ECHDC2: variants seen among roughly 807,000 people sequenced by gnomAD.
ECHDC2 encodes the protein enoyl-CoA hydratase domain containing 2, also known as enoyl-CoA hydratase domain-containing protein 2, mitochondrial.
A neutral mutation model predicts 40.6 loss-of-function variants in ECHDC2; 34 were observed. That is an observed-to-expected ratio of 0.84 (90% confidence interval 0.64 to 1.11). ECHDC2 has a LOEUF of 1.11. ECHDC2 is among the 50% of genes most tolerant of loss of function. The pLI is 0.00. For missense variants in ECHDC2, 392 were observed against 400.7 expected, an observed-to-expected ratio of 0.98 and a Z score of 0.19; for synonymous variants, 162 against 166.6, an observed-to-expected ratio of 0.97 and a Z score of 0.21.
Position 52,911,779 on chromosome 1 carries a change from T to A in ECHDC2, c.133A>T (p.Ile45Phe). The A allele has an allele frequency of 6.2e-7, 1 of 1,613,528 alleles. No homozygotes were observed. Among genetic ancestry groups the A allele is most frequent in the Non-Finnish European group, 8.5e-7 (1 of 1,179,694 alleles). Residue 45 changes from isoleucine to phenylalanine, a missense_variant, in exon 2 of 10, where the codon ATT becomes TTT. Coordinates refer to ENST00000371522, the MANE Select transcript of ECHDC2 (RefSeq NM_001198961.2). Reference sequence around the variant, plus strand: ...CGGGCAGAAGGTCTGTTCATCAGAATCTCAGTGATCCCTGTAAGGAGTCAG... The same window carrying A: ...CGGGCAGAAGGTCTGTTCATCAGAAACTCAGTGATCCCTGTAAGGAGTCAG... ...LAGPDQGITEILMNRPSARNA... is the reference protein window; with the variant it reads ...LAGPDQGITEFLMNRPSARNA...
At position 52,914,607 on chromosome 1, in the gene ECHDC2, C is replaced by T. The variant is rs1650272725; in HGVS notation, c.122-2817G>A. Among the ~76,000 whole-genome samples the T allele has an allele frequency of 6.6e-6, 1 of 152,116 alleles. No homozygotes were observed. Among genetic ancestry groups the T allele is most frequent in the South Asian group, 2.1e-4 (1 of 4,830 alleles). ...TGTGTGCCCAGGAGCCCAGAGCTCTCCTGTGCACCCCAGGCCTGAATAGCC... is the reference window on the plus strand; with the variant it reads ...TGTGTGCCCAGGAGCCCAGAGCTCTTCTGTGCACCCCAGGCCTGAATAGCC... On this transcript the variant is annotated intron_variant, in intron 1 of 9. Coordinates refer to ENST00000371522, the MANE Select transcript of ECHDC2 (RefSeq NM_001198961.2). This position sits in a 1 kb window ranked among gnomAD's most constrained non-coding sequence, Gnocchi z 4.0.
chr1:52,904,653 AG>A lies in ECHDC2; in HGVS notation c.694del (p.Leu232CysfsTer13), dbSNP rs748334828. ...GCCGAGCTGTCACCACACCTGGGGC[AG>A]GATCTCCTGGGCCAGTGCTCGTGCC... ...QRARALAQEI[L>X]PQAPIAVRLG... On this transcript the variant is annotated frameshift_variant, in exon 7 of 10. Coordinates refer to ENST00000371522, the MANE Select transcript of ECHDC2 (RefSeq NM_001198961.2). LOFTEE classifies it high-confidence loss of function. The A allele has an allele frequency of 3.9e-5, 62 of 1,590,774 alleles. 1 individual carries two copies. In the East Asian group the frequency reaches 1.3e-3, roughly 33 times the overall value.
At chr1:52,905,177 A>G in intron 5 of ECHDC2, 87 bp from the exon 6 acceptor site, 1 of 1,449,660 alleles carries the variant, frequency 6.9e-7, no homozygotes, top group Non-Finnish European at 9.5e-7. Context: ...TCTGCTGTCT[A>G]CTCGCCCCTC....
At chr1:52,911,396 C>A (rs1649451341) in intron 3 of ECHDC2, among the ~76,000 whole-genome samples, 170 bp downstream of exon 3, 1 of 152,206 alleles carries the variant, frequency 6.6e-6, no homozygotes, top group Non-Finnish European at 1.5e-5. Context: ...CTACCCCTTA[C>A]TAGCTATGTG....
intron 9 of ECHDC2, chr1:52,897,082 C>T: frequency 2.6e-6 from 1 of 388,394 alleles, no homozygotes; most frequent in Non-Finnish European, 4.8e-6. Flanking sequence ...ACATTGAACA[C>T]AGCCTGCAGG....
At chr1:52,916,731 T>C (rs549623444) in intron 1 of ECHDC2, among the ~76,000 whole-genome samples, 19 of 152,248 alleles carry the variant, frequency 1.2e-4, no homozygotes, top group African/African-American at 4.6e-4. Context: ...TGGACAGTAA[T>C]CAGCCAAGGT....
chr1:52,905,920 G>C (rs1380534679), intron 5 of ECHDC2: 2 of 213,828 alleles, frequency 9.4e-6, no homozygotes, highest in Non-Finnish European at 1.9e-5. Flanking sequence ...GTTGCTCCTG[G>C]GGTGGCAGGA....
rs1001384514 is a variant in ECHDC2, at chr1:52,911,993, C to T, written c.122-203G>A. The T allele has an allele frequency of 2.1e-6, 3 of 1,427,146 alleles. No homozygotes were observed. In the African/African-American group the frequency reaches 4.3e-5, roughly 21 times the overall value. 88.4% of individuals were successfully genotyped at this position (1,427,146 alleles called of 1,614,324 possible). ...AGAGAAAAACCCTTGCTCTTTCTGCCTCAGAGAGAAAGTGGAAGGACTTGT... is the reference window on the plus strand; with the variant it reads ...AGAGAAAAACCCTTGCTCTTTCTGCTTCAGAGAGAAAGTGGAAGGACTTGT... On this transcript the variant is annotated intron_variant, in intron 1 of 9. Coordinates refer to ENST00000371522, the MANE Select transcript of ECHDC2 (RefSeq NM_001198961.2).
Position 52,907,907 on chromosome 1 carries a change from C to A in ECHDC2, c.325G>T (p.Val109Leu). The change falls in exon 4 of 10, where the codon GTG becomes TTG. Residue 109 changes from valine to leucine, a missense_variant. By Grantham distance (32) the Val-to-Leu change is conservative (BLOSUM62 1). Coordinates refer to ENST00000371522, the MANE Select transcript of ECHDC2 (RefSeq NM_001198961.2). ...AGGCCCCGGAGTCGCTGGACAAACA[C>A]CCCCACCTCTGCTTCACTCATCTGT... ...REQMSEAEVG[V>L]FVQRLRGLMN... The A allele has an allele frequency of 1.9e-6, 3 of 1,613,890 alleles. No individual in the cohort carries two copies. Among genetic ancestry groups the A allele is most frequent in the Non-Finnish European group, 1.7e-6 (2 of 1,179,944 alleles).
rs1649094598 is a variant in ECHDC2, at chr1:52,910,352, G to GCTTTTTTTTTTTTTTT, written c.277+1213_277+1214insAAAAAAAAAAAAAAAG. Among the ~76,000 whole-genome samples, 4 of 32,062 alleles carry GCTTTTTTTTTTTTTTT rather than the reference G, an allele frequency of 1.2e-4. 1 individual carries two copies. The highest frequency in any genetic ancestry group is 4.3e-4 in the African/African-American group (4 of 9,206). The allele number at this position is 32,062 out of a possible 152,430, so 21.0% of individuals were successfully genotyped here. A position where few individuals can be genotyped will look rare whatever the true frequency, so the allele number is the denominator to read the frequency against. On this transcript the variant is annotated intron_variant, in intron 3 of 9. Transcript: ENST00000371522. ...GTTACTTATATTTCACCACAATTTC[G>GCTTTTTTTTTTTTTTT]TTTTTTTTTTTTTTTTTTTTTTTTT...
intron 7 of ECHDC2, chr1:52,900,488 A>C (rs1188225113): frequency 1.3e-5 from 2 of 152,206 alleles, no homozygotes; most frequent in Non-Finnish European, 2.9e-5. Flanking sequence ...TTTGTTTTTA[A>C]AATTTGTTAG....
In ECHDC2 at chr1:52,906,590, A is replaced by G. The variant is rs1323087433; in HGVS notation, c.386T>C (p.Ile129Thr). Reference protein sequence around the residue: ...NDIAAFPAPTIAAMDGFALGG... With the variant: ...NDIAAFPAPTTAAMDGFALGG... ...CAAGGCAAACCCATCCATAGCCGCA[A>G]TGGTGGGTGCAGGGAAGGCTGCTGT... The change falls in exon 5 of 10, where the codon ATT becomes ACT. Residue 129 changes from isoleucine (I) to threonine (T), a missense_variant. By Grantham distance (89) the Ile-to-Thr change is moderately conservative (BLOSUM62 -1). Transcript: ENST00000371522. 1.9e-5 allele frequency: 30 copies of G among 1,611,938 alleles called. No individual in the cohort carries two copies. The highest frequency in any genetic ancestry group is 2.5e-5 in the Non-Finnish European group (30 of 1,179,494).
chr1:52,920,925 A>AAAC (rs375423166), intron 1 of ECHDC2, among the ~76,000 whole-genome samples: 2 of 152,240 alleles, frequency 1.3e-5, no homozygotes, highest in African/African-American at 2.4e-5. Flanking sequence ...CCAGAAGTTC[A>AAAC]AACAACAACA....
At chr1:52,896,754 G>A in intron 9 of ECHDC2, 157 bp from the exon 10 acceptor site, 1 of 623,142 alleles carries the variant, frequency 1.6e-6, no homozygotes, top group Non-Finnish European at 2.8e-6. Flanking sequence ...AAGCCTCCGT[G>A]GCTGCTTTGT....
At chr1:52,911,918 CCACAAGT>C in intron 1 of ECHDC2, 128 bp from the exon 2 acceptor site, 1 of 1,486,936 alleles carries the variant, frequency 6.7e-7, no homozygotes, top group Non-Finnish European at 9.0e-7. Flanking sequence ...GAGTGACTTG[CCACAAGT>C]CACACACTCA....
rs1434753103 is a variant in ECHDC2, at chr1:52,911,732, G to A, written c.180C>T (p.Phe60=). The A allele has an allele frequency of 6.2e-6, 10 of 1,613,890 alleles. No homozygotes were observed. Among genetic ancestry groups the A allele is most frequent in the Middle Eastern group, 1.7e-4 (1 of 6,056 alleles). The change falls in exon 2 of 10, where the codon TTC becomes TTT. Residue 60 remains phenylalanine, a synonymous_variant. Transcript: ENST00000371522. ...PSARNALGNV[F]VSELLETLAQ... ...GCCCGCCCTTTCTTACCTCACTGAC[G>A]AAGACATTCCCCAAGGCATTGCGGG... is the stretch of plus-strand genomic sequence containing the variant.
At chr1:52,905,731 G>A (rs564735926) in intron 5 of ECHDC2, 54 of 161,802 alleles carry the variant, frequency 3.3e-4, no homozygotes, top group Admixed American at 1.5e-3. Flanking sequence ...CATTCACTCC[G>A]TCTTAGTCTT....
chr1:52,905,162 C>A (rs1230615054), intron 5 of ECHDC2, 72 bp from the exon 6 acceptor site: 9 of 1,531,586 alleles, frequency 5.9e-6, no homozygotes, highest in Non-Finnish European at 8.1e-6. Flanking sequence ...GGGGCCACAG[C>A]TGCCTCTGCT....
intron 8 of ECHDC2, chr1:52,898,851 T>G (rs1307057761): frequency 4.7e-6 from 2 of 428,236 alleles, no homozygotes; most frequent in African/African-American, 4.1e-5. Flanking sequence ...GCACAAATCT[T>G]GCAGCATGGA....
Sources: allele counts gnomAD v4.1 joint callset (sites outside exome capture counted in the v4.1 genomes callset), GRCh38; gene constraint gnomAD v4.1.1; non-coding constraint Gnocchi (gnomAD v3.1); transcripts MANE v1.5; gene names NCBI Gene and HGNC (gene_info 2026-07-23, HGNC 2026-07-21).